The following MAGI2 variants were observed in gnomAD, a reference collection of about 807,000 sequenced individuals.
MAGI2 encodes membrane associated guanylate kinase, WW and PDZ domain containing 2, also known as membrane-associated guanylate kinase, WW and PDZ domain-containing protein 2.
MAGI2 carries 35 observed loss-of-function variants against 133.3 expected under a neutral mutation model. That is an observed-to-expected ratio of 0.26 (90% CI 0.20 to 0.35). MAGI2 has a LOEUF of 0.35. MAGI2 is among the 10% of genes least tolerant of loss of function. The pLI, the probability that MAGI2 is intolerant of heterozygous loss-of-function variation, is 1.00. For synonymous variants in MAGI2, 729 were observed against 710.6 expected, an observed-to-expected ratio of 1.03 and a Z score of -0.41; for missense variants, 1,636 against 1,863.4, an observed-to-expected ratio of 0.88 and a Z score of 2.25.
intron 9 of MAGI2, among the ~76,000 whole-genome samples, chr7:78,266,213 GTTTA>G (rs1186732173): frequency 6.6e-6 from 1 of 152,132 alleles, no homozygotes; most frequent in Non-Finnish European, 1.5e-5. Flanking sequence ...GTGTTTTTAT[GTTTA>G]TTTGAGACAA....
chr7:79,302,490 C>T (rs1837463854), intron 1 of MAGI2, among the ~76,000 whole-genome samples: 1 of 152,088 alleles, frequency 6.6e-6, no homozygotes, highest in Non-Finnish European at 1.5e-5. Flanking sequence ...TGGGTTTGGG[C>T]AGCCTTCTAT....
chr7:78,097,742 A>G (rs1398424321), intron 20 of MAGI2, among the ~76,000 whole-genome samples: 1 of 152,142 alleles, frequency 6.6e-6, no homozygotes, highest in African/African-American at 2.4e-5. Flanking sequence ...TGACAAAATA[A>G]TCTATACAAC....
chr7:78,321,602 C>G (rs1350082648), intron 9 of MAGI2, among the ~76,000 whole-genome samples: 1 of 152,120 alleles, frequency 6.6e-6, no homozygotes, highest in African/African-American at 2.4e-5. Flanking sequence ...TTCCTTACAC[C>G]TTATATAAAA....
chr7:79,374,300 A>G lies in MAGI2; in HGVS notation c.301+78720T>C, dbSNP rs533793211. The stretch of plus-strand genomic sequence containing the variant: ...TCTGTTATGACTGGTAGCCTTATCA[A>G]AGGGGAAATTTGGACACACACCCAC... On this transcript the variant is annotated intron_variant, in intron 1 of 21. Coordinates refer to ENST00000354212, the MANE Select transcript of MAGI2 (RefSeq NM_012301.4). Among the ~76,000 whole-genome samples, 21 of 150,386 alleles carry G rather than the reference A, an allele frequency of 1.4e-4. No homozygotes were observed. The South Asian group carries it at 4.4e-3, about 32-fold the overall frequency.
chr7:78,617,473 G>A (rs1212051149), intron 3 of MAGI2: 1 of 152,000 alleles, frequency 6.6e-6, no homozygotes, highest in Non-Finnish European at 1.5e-5. Context: ...ACGGATCTAA[G>A]AGAACTATTA....
At chr7:79,249,180 A>C (rs1833041564) in intron 1 of MAGI2, among the ~76,000 whole-genome samples, 2 of 152,166 alleles carry the variant, frequency 1.3e-5, no homozygotes, top group African/African-American at 4.8e-5. Flanking sequence ...AATCAGTACT[A>C]ATAGAAAAGT....
At position 78,083,138 on chromosome 7, in the gene MAGI2, T is replaced by G. The variant is rs868138881; in HGVS notation, c.3568-4053A>C. On this transcript the variant is annotated intron_variant, in intron 20 of 21. Coordinates refer to ENST00000354212, the MANE Select transcript of MAGI2 (RefSeq NM_012301.4). ...CCGCTATCACAATCGGGAGAATTAA[T>G]TTTTTAAAACCAATAGAAAATTCGC... Among the ~76,000 whole-genome samples the G allele has an allele frequency of 5.3e-5, 8 of 152,042 alleles. No homozygotes were observed. The South Asian group carries it at 1.7e-3, about 32-fold the overall frequency.
At chr7:78,455,018 C>T (rs1247789902) in intron 6 of MAGI2, among the ~76,000 whole-genome samples, 1 of 152,078 alleles carries the variant, frequency 6.6e-6, no homozygotes, top group Non-Finnish European at 1.5e-5. Context: ...TCAAAACCGA[C>T]AGAACTGTAC....
chr7:79,445,215 G>A (rs572335991), intron 1 of MAGI2, among the ~76,000 whole-genome samples: 72 of 152,240 alleles, frequency 4.7e-4, no homozygotes, highest in African/African-American at 1.6e-3. Flanking sequence ...AAAAACCCTA[G>A]AAGAAAACCT....
At chr7:79,129,190 A>C (rs1584997816) in intron 1 of MAGI2, among the ~76,000 whole-genome samples, 1 of 152,254 alleles carries the variant, frequency 6.6e-6, no homozygotes, top group East Asian at 1.9e-4. Flanking sequence ...TGCTCAGAAC[A>C]CTTACATTAG....
At position 78,291,831 on chromosome 7, in the gene MAGI2, C is replaced by A. The variant is rs932724260; in HGVS notation, c.1409-35250G>T. 5.1e-5 allele frequency among the ~76,000 whole-genome samples: 7 copies of A among 138,302 alleles called. No homozygotes were observed. In the East Asian group the frequency reaches 1.5e-3, roughly 30 times the overall value. The allele number at this position is 138,302 out of a possible 152,430, so 90.7% of individuals were successfully genotyped here. A position where few individuals can be genotyped will look rare whatever the true frequency, so the allele number is the denominator to read the frequency against. ...ATATAAACAGAACCAGTGACAAAAACCATACGATTATCTCAATAGATGCGG... is the reference window on the plus strand; with the variant it reads ...ATATAAACAGAACCAGTGACAAAAAACATACGATTATCTCAATAGATGCGG... On this transcript the variant is annotated intron_variant, in intron 9 of 21. Coordinates refer to ENST00000354212, the MANE Select transcript of MAGI2 (RefSeq NM_012301.4).
chr7:78,183,811 TC>T (rs1827427226), intron 13 of MAGI2, among the ~76,000 whole-genome samples: 2 of 152,162 alleles, frequency 1.3e-5, no homozygotes, highest in Non-Finnish European at 2.9e-5. Context: ...CAAGCTGTTT[TC>T]CCACCTTGGC....
At chr7:78,225,784 T>C (rs1395472361) in intron 10 of MAGI2, among the ~76,000 whole-genome samples, 5 of 152,250 alleles carry the variant, frequency 3.3e-5, no homozygotes, top group Admixed American at 3.3e-4. Flanking sequence ...GGGCTTCTTT[T>C]CGCCCTAGTC....
chr7:79,173,888 C>T (rs1313885963), intron 1 of MAGI2, among the ~76,000 whole-genome samples: 2 of 151,906 alleles, frequency 1.3e-5, no homozygotes, highest in African/African-American at 4.8e-5. Context: ...AGATAAGGTA[C>T]AGATCACCAG....
chr7:78,218,551 A>G (rs1441807519), intron 10 of MAGI2, among the ~76,000 whole-genome samples: 2 of 152,242 alleles, frequency 1.3e-5, no homozygotes, highest in African/African-American at 4.8e-5. Flanking sequence ...ATTGAATTCA[A>G]TTAAGTTGAC....
At chr7:79,444,395 G>A (rs1161029507) in intron 1 of MAGI2, among the ~76,000 whole-genome samples, 1 of 152,158 alleles carries the variant, frequency 6.6e-6, no homozygotes, top group Non-Finnish European at 1.5e-5. Context: ...CAGATGACAT[G>A]ATTGTATATC....
At chr7:79,136,027 A>G (rs551451093) in intron 1 of MAGI2, among the ~76,000 whole-genome samples, 10 of 123,016 alleles carry the variant, frequency 8.1e-5, no homozygotes, top group Non-Finnish European at 1.4e-4. Flanking sequence ...GAAAGAAAGA[A>G]GGAAAGAAAG....
chr7:79,258,918 G>A (rs1234554287), intron 1 of MAGI2, among the ~76,000 whole-genome samples: 1 of 152,204 alleles, frequency 6.6e-6, no homozygotes, highest in African/African-American at 2.4e-5. Flanking sequence ...TATCTTCAGA[G>A]CTCATGCTCT....
Position 79,136,097 on chromosome 7 carries a change from GAAA to G in MAGI2, c.302-128894_302-128892del, listed in dbSNP as rs1352014749. Among the ~76,000 whole-genome samples the G allele has an allele frequency of 6.8e-3, 1,026 of 150,524 alleles. 9 individuals carry two copies. The highest frequency in any genetic ancestry group is 0.011 in the Non-Finnish European group (728 of 67,626). ...AGAAAGAAAGAAAGAAAGAAAGAAA[GAAA>G]GAAAGAAAGAAAGAAAGAAAGAAAG... On this transcript the variant is annotated intron_variant, in intron 1 of 21. Transcript: ENST00000354212.
Sources: gnomAD v4.1 joint callset for allele counts (sites outside exome capture counted in the v4.1 genomes callset) on GRCh38, gnomAD v4.1.1 for gene constraint, MANE v1.5 for transcripts, NCBI Gene and HGNC (gene_info 2026-07-23, HGNC 2026-07-21) for gene names.